The following CCDC88C variants were observed in gnomAD, a reference collection of about 807,000 sequenced individuals.
The protein encoded by CCDC88C is coiled-coil and HOOK domain protein 88C, also known as protein Daple.
A neutral mutation model predicts 198.8 loss-of-function variants in CCDC88C; 131 were observed. The ratio of observed to expected loss-of-function variants is 0.66; its 90% confidence interval spans 0.57 to 0.76. The LOEUF (loss-of-function observed/expected upper bound fraction) is 0.76. Ranked by LOEUF, CCDC88C falls within the 30% of genes least tolerant of loss-of-function variation. CCDC88C has a pLI of 0.00. For synonymous variants in CCDC88C, 1,166 were observed against 1,114.7 expected, an observed-to-expected ratio of 1.05 and a Z score of -0.92; for missense variants, 2,553 against 2,631.6, an observed-to-expected ratio of 0.97 and a Z score of 0.65.
chr14:91,330,381 G>A (rs1892767743), intron 10 of CCDC88C, among the ~76,000 whole-genome samples: 1 of 152,160 alleles, frequency 6.6e-6, no homozygotes. Flanking sequence ...GCAGACGAGG[G>A]TACGGTGTGG....
intron 23 of CCDC88C, among the ~76,000 whole-genome samples, chr14:91,291,690 GGGGAAT>G (rs1890669453): frequency 6.6e-6 from 1 of 152,180 alleles, no homozygotes; most frequent in South Asian, 2.1e-4. Flanking sequence ...TGCTGCCACA[GGGGAAT>G]GAACCAGGGC....
intron 3 of CCDC88C, among the ~76,000 whole-genome samples, chr14:91,369,501 C>T (rs1032678966): frequency 5.3e-5 from 8 of 152,152 alleles, no homozygotes; most frequent in South Asian, 2.1e-4. Flanking sequence ...CCACCATGCC[C>T]GGCCAATTTT....
intron 2 of CCDC88C, among the ~76,000 whole-genome samples, chr14:91,415,772 TTAAGGCAATCTATA>T (rs140781289): frequency 0.011 from 1,703 of 152,100 alleles, 32 homozygotes; most frequent in African/African-American, 0.039. Flanking sequence ...AACAGGCTGT[TTAAGGCAATCTATA>T]TAAGCCACTT....
chr14:91,338,507 C>T lies in CCDC88C; in HGVS notation c.873G>A (p.Leu291=), dbSNP rs1250539864. The T allele has an allele frequency of 1.9e-6, 3 of 1,569,294 alleles. No individual in the cohort carries two copies. The highest frequency in any genetic ancestry group is 2.7e-5 in the African/African-American group (2 of 73,544). ...RHEVDQLVLE[L]QKVKQENIQL... ...GACTCACCTCCTGCTTAACTTTCTG[C>T]AGTTCCAGCACCAGCTGGTCCACCT... The change falls in exon 9 of 30, where the codon CTG becomes CTA. Residue 291 remains leucine, a synonymous_variant. Coordinates refer to ENST00000389857, the MANE Select transcript of CCDC88C (RefSeq NM_001080414.4). This position sits in a 1 kb window ranked among gnomAD's most constrained non-coding sequence, Gnocchi z 4.8.
chr14:91,369,181 C>G (rs189897034), intron 3 of CCDC88C, among the ~76,000 whole-genome samples: 1 of 152,308 alleles, frequency 6.6e-6, no homozygotes, highest in East Asian at 1.9e-4. Context: ...ACAGCACAGG[C>G]CCGCCCCAAA....
chr14:91,296,346 G>A (rs1005183438), intron 22 of CCDC88C, among the ~76,000 whole-genome samples: 6 of 152,244 alleles, frequency 3.9e-5, no homozygotes, highest in Admixed American at 6.5e-5. Context: ...TACCACACAT[G>A]TCCAGCTCTT....
chr14:91,330,379 G>A (rs1674694544), intron 10 of CCDC88C, among the ~76,000 whole-genome samples: 1 of 152,202 alleles, frequency 6.6e-6, no homozygotes, highest in Admixed American at 6.5e-5. Flanking sequence ...TGGCAGACGA[G>A]GGTACGGTGT....
At chr14:91,317,357 G>A (rs1892146580) in intron 13 of CCDC88C, among the ~76,000 whole-genome samples, 1 of 152,222 alleles carries the variant, frequency 6.6e-6, no homozygotes, top group African/African-American at 2.4e-5. Context: ...CAGGGCCAAC[G>A]GGCTTGCTTA....
In CCDC88C at chr14:91,278,253, G is replaced by A. The variant is rs373748783; in HGVS notation, c.4769-42C>T. On this transcript the variant is annotated intron_variant, in intron 28 of 29. Coordinates refer to ENST00000389857, the MANE Select transcript of CCDC88C (RefSeq NM_001080414.4). ...GAGACAGAGGACCCTCATCAGTCTT[G>A]GCAGCCCTCTGGTGGCTTCTAGAGG... 32 of 1,543,136 alleles carry A rather than the reference G, an allele frequency of 2.1e-5. No homozygotes were observed. In the Middle Eastern group the frequency reaches 7.1e-4, roughly 34 times the overall value.
chr14:91,291,285 G>A (rs1443021187), intron 23 of CCDC88C, among the ~76,000 whole-genome samples: 1 of 152,172 alleles, frequency 6.6e-6, no homozygotes, highest in Non-Finnish European at 1.5e-5. Flanking sequence ...GGAGCTCTAT[G>A]ACCCTGAGAT....
chr14:91,383,320 G>A (rs1260824645), intron 3 of CCDC88C, among the ~76,000 whole-genome samples: 3 of 152,324 alleles, frequency 2.0e-5, no homozygotes, highest in East Asian at 3.9e-4. Context: ...ATGCTGCCGT[G>A]GGGGGCCCAG....
At chr14:91,367,597 A>T (rs1297887568) in intron 3 of CCDC88C, among the ~76,000 whole-genome samples, 1 of 152,058 alleles carries the variant, frequency 6.6e-6, no homozygotes, top group Non-Finnish European at 1.5e-5. Flanking sequence ...CCTGTCTGGG[A>T]GGGAGGTAGA....
chr14:91,341,432 C>T (rs549846941), intron 6 of CCDC88C, among the ~76,000 whole-genome samples: 49 of 152,296 alleles, frequency 3.2e-4, no homozygotes, highest in Admixed American at 1.0e-3. Context: ...AAAAAAGCAC[C>T]CAGGGAATTC....
chr14:91,315,584 G>C, intron 14 of CCDC88C, 66 bp downstream of exon 14: 1 of 1,574,700 alleles, frequency 6.4e-7, no homozygotes, highest in East Asian at 2.2e-5. Flanking sequence ...AGGAATGGCT[G>C]TAATCCCGGC....
At chr14:91,303,676 A>G (rs1409199189) in intron 20 of CCDC88C, 25 bp downstream of exon 20, 12 of 1,535,758 alleles carry the variant, frequency 7.8e-6, no homozygotes, top group Non-Finnish European at 1.1e-5. Flanking sequence ...CCCTCCCCAG[A>G]TCCCCTTCCT....
chr14:91,297,479 C>G lies in CCDC88C; in HGVS notation c.3792G>C (p.Leu1264=), dbSNP rs755328606. Residue 1264 remains leucine (L), a synonymous_variant, in exon 22 of 30, where the codon CTG becomes CTC. Coordinates refer to ENST00000389857, the MANE Select transcript of CCDC88C (RefSeq NM_001080414.4). ...LRGELDRVNF[L]HHQLKGEYEE... ...CGTACTCCCCCTTCAGCTGGTGGTGCAGGAAATTGACCCTGGAGGAGGAAG... is the reference window on the plus strand; with the variant it reads ...CGTACTCCCCCTTCAGCTGGTGGTGGAGGAAATTGACCCTGGAGGAGGAAG... The G allele has an allele frequency of 1.3e-6, 2 of 1,557,268 alleles. No homozygotes were observed.
chr14:91,312,864 G>T (rs1445335068), intron 15 of CCDC88C, among the ~76,000 whole-genome samples: 2 of 152,176 alleles, frequency 1.3e-5, no homozygotes, highest in African/African-American at 4.8e-5. Context: ...ATGATGAAAC[G>T]AAACAACTCA....
intron 4 of CCDC88C, among the ~76,000 whole-genome samples, chr14:91,350,749 G>GT (rs1335786626): frequency 6.6e-6 from 1 of 150,874 alleles, no homozygotes. Flanking sequence ...CAGGCTCAGG[G>GT]TTTAACCCTC....
rs201763869 is a variant in CCDC88C at position 91,307,205 on chromosome 14, G to A, written c.3028C>T (p.Leu1010Phe). 217 of 1,613,562 alleles carry A rather than the reference G, an allele frequency of 1.3e-4. 2 individuals carry two copies. In the Admixed American group the frequency reaches 2.3e-3, roughly 17 times the overall value. The stretch of plus-strand genomic sequence containing the variant: ...TGCCCCTCTCCCTGGTTCTGCCTGA[G>A]GGTCTCACACTCCTTCTTTAGCTAC... ...LQMLKKECET[L>F]RQNQGEGQHL... Residue 1010 changes from leucine to phenylalanine, a missense_variant, in exon 18 of 30, where the codon CTC (leucine) becomes TTC (phenylalanine). Leu to Phe is a conservative substitution (Grantham distance 22, BLOSUM62 0). Around this residue, in one of 2 missense-constraint regions of CCDC88C, gnomAD observed 1,260 missense variants for 1,412.0 expected, o/e 0.89. Coordinates refer to ENST00000389857, the MANE Select transcript of CCDC88C (RefSeq NM_001080414.4).
Sources: allele counts gnomAD v4.1 joint callset (sites outside exome capture counted in the v4.1 genomes callset), GRCh38; gene constraint gnomAD v4.1.1; regional missense constraint gnomAD v4.1.1; non-coding constraint Gnocchi (gnomAD v3.1); transcripts MANE v1.5; gene names NCBI Gene and HGNC (gene_info 2026-07-23, HGNC 2026-07-21).